Variants in CDK13 observed in about 807,000 individuals in gnomAD.
The protein encoded by CDK13 is cyclin dependent kinase 13.
Under a neutral mutation model 137.6 loss-of-function variants are expected in CDK13, and 40 were observed. The observed-to-expected ratio is 0.29, with a 90% confidence interval of 0.23 to 0.38. The LOEUF is 0.38. CDK13 is among the 10% of genes least tolerant of loss of function. CDK13 has a pLI of 1.00. For synonymous variants in CDK13, 869 were observed against 760.1 expected, an observed-to-expected ratio of 1.14 and a Z score of -2.36; for missense variants, 1,704 against 1,951.8, an observed-to-expected ratio of 0.87 and a Z score of 2.39.
chr7:40,021,293 TTGAGACCAGCCTGACCAACATGG>T (rs1785120275), intron 5 of CDK13, among the ~76,000 whole-genome samples: 1 of 152,028 alleles, frequency 6.6e-6, no homozygotes, highest in Non-Finnish European at 1.5e-5. Flanking sequence ...GGTCAGGAGT[TTGAGACCAGCCTGACCAACATGG>T]TGAAACCCCA....
rs1787170470 is a variant in CDK13 at position 39,951,194 on chromosome 7, T to C, written c.553T>C (p.Ser185Pro). The change falls in exon 1 of 14, where the codon TCC becomes CCC. Residue 185 changes from serine to proline, a missense_variant. By Grantham distance (74) the Ser-to-Pro change is moderately conservative. Transcript: ENST00000181839. The part of the protein sequence containing the change: ...GGSGGSPASS[S>P]GTQRRGEGSE... ...CAGCGGCGGGAGTCCGGCCTCCTCC[T>C]CCGGCACCCAGCGGCGCGGGGAGGG... 8.0e-7 allele frequency: 1 copy of C among 1,250,506 alleles called. No homozygotes were observed. Among genetic ancestry groups the C allele is most frequent in the Non-Finnish European group, 1.0e-6 (1 of 999,968 alleles). The allele number at this position is 1,250,506 out of a possible 1,614,324, so 77.5% of individuals were successfully genotyped here. A position where few individuals can be genotyped will look rare whatever the true frequency, so the allele number is the denominator to read the frequency against.
Position 40,094,254 on chromosome 7 carries a change from T to C in CDK13, c.3813T>C (p.Thr1271=), listed in dbSNP as rs775368819. 11 of 1,612,664 alleles carry C rather than the reference T, an allele frequency of 6.8e-6. No homozygotes were observed. The Admixed American group carries it at 1.5e-4, about 22-fold the overall frequency. The part of the protein sequence containing the change: ...PPEPPEPPPV[T]EEDLDYRTEN... ...AGCCTCCTGAACCACCACCAGTCACTGAGGAAGATCTAGATTATCGGACAG... is the reference window on the plus strand; with the variant it reads ...AGCCTCCTGAACCACCACCAGTCACCGAGGAAGATCTAGATTATCGGACAG... The change falls in exon 14 of 14, where the codon ACT becomes ACC. Residue 1271 remains threonine (T), a synonymous_variant. Coordinates refer to ENST00000181839, the MANE Select transcript of CDK13 (RefSeq NM_003718.5).
intron 6 of CDK13, 137 bp from the exon 7 acceptor site, chr7:40,047,684 T>C: frequency 1.7e-6 from 1 of 572,616 alleles, no homozygotes; most frequent in Non-Finnish European, 3.1e-6. Flanking sequence ...ATTACCTTGA[T>C]GATATTGCAG....
chr7:40,036,173 T>TACACACAC (rs70996875), intron 5 of CDK13, among the ~76,000 whole-genome samples: 44,537 of 148,884 alleles, frequency 0.3, 7,609 homozygotes, highest in Middle Eastern at 0.47. Context: ...ATAAATAAAT[T>TACACACAC]ACACACACAC....
intron 1 of CDK13, among the ~76,000 whole-genome samples, chr7:39,980,596 T>C (rs534216809): frequency 1.1e-4 from 17 of 152,240 alleles, no homozygotes; most frequent in African/African-American, 3.9e-4. Context: ...AGTGGAAACA[T>C]TGGCCTCAAA....
Position 39,950,964 on chromosome 7 carries a change from G to T in CDK13, c.323G>T (p.Gly108Val). The T allele has an allele frequency of 7.6e-7, 1 of 1,314,996 alleles. No homozygotes were observed. Among genetic ancestry groups the T allele is most frequent in the East Asian group, 3.1e-5 (1 of 32,080 alleles). 81.5% of individuals were successfully genotyped at this position (1,314,996 alleles called of 1,614,324 possible). A position where few individuals can be genotyped will look rare whatever the true frequency, so the allele number is the denominator to read the frequency against. The change falls in exon 1 of 14, where the codon GGG becomes GTG. Residue 108 changes from glycine to valine, a missense_variant. Around this residue, in one of 5 missense-constraint regions of CDK13, gnomAD observed 1,051 missense variants for 931.0 expected, o/e 1.13. Transcript: ENST00000181839. ...RAGGRQKRRR[G>V]PRAGQEAEKR... is the part of the protein sequence containing the mutation. ...GGAGGGCGGCAGAAGCGGCGTCGCG[G>T]GCCCCGCGCCGGGCAGGAGGCGGAG...
intron 5 of CDK13, among the ~76,000 whole-genome samples, chr7:40,014,949 A>G (rs1225203772): frequency 6.6e-6 from 1 of 152,194 alleles, no homozygotes; most frequent in East Asian, 1.9e-4. Flanking sequence ...GTTAGTGATC[A>G]ATAAATTTTT....
intron 5 of CDK13, among the ~76,000 whole-genome samples, chr7:40,029,382 G>A (rs912923022): frequency 4.0e-5 from 6 of 151,166 alleles, no homozygotes; most frequent in African/African-American, 1.5e-4. Flanking sequence ...AGCCGAGATC[G>A]TGCCACTGCA....
At chr7:40,062,671 T>G in intron 7 of CDK13, 155 bp from the exon 8 acceptor site, 1 of 663,910 alleles carries the variant, frequency 1.5e-6, no homozygotes, top group South Asian at 1.8e-5. Context: ...TGATCTTATA[T>G]TAGATACCTT....
intron 7 of CDK13, among the ~76,000 whole-genome samples, chr7:40,054,319 T>G (rs1785962170): frequency 6.6e-6 from 1 of 152,238 alleles, no homozygotes; most frequent in South Asian, 2.1e-4. Flanking sequence ...TTTAAGCAGT[T>G]TGAAAGCTCT....
At chr7:40,079,620 G>T (rs1250354076) in intron 11 of CDK13, among the ~76,000 whole-genome samples, 1 of 152,174 alleles carries the variant, frequency 6.6e-6, no homozygotes, top group East Asian at 1.9e-4. Flanking sequence ...AGCAGGCTCA[G>T]AGAGGTTAAG....
chr7:40,008,269 T>C (rs1784832572), intron 5 of CDK13, among the ~76,000 whole-genome samples: 1 of 152,256 alleles, frequency 6.6e-6, no homozygotes, highest in Non-Finnish European at 1.5e-5. Context: ...GTTCTTTAAC[T>C]GCACTATTCA....
At position 39,951,801 on chromosome 7, in the gene CDK13, ACAG is replaced by A. The variant is rs756762783; in HGVS notation, c.1171_1173del (p.Ser391del). Reference sequence around the variant, plus strand: ...GGCGGCGACGTGTCCCCTAGTCCCTACAGCAGCAGCAGCTGGCGCCGCTCTCGC... The same window carrying A: ...GGCGGCGACGTGTCCCCTAGTCCCTACAGCAGCAGCTGGCGCCGCTCTCGC... On this transcript the variant is annotated inframe_deletion, in exon 1 of 14. Transcript: ENST00000181839. The A allele has an allele frequency of 1.5e-5, 22 of 1,449,452 alleles. No homozygotes were observed. The highest frequency in any genetic ancestry group is 5.4e-5 in the Admixed American group (2 of 37,362). 89.8% of individuals were successfully genotyped at this position (1,449,452 alleles called of 1,614,324 possible). A position where few individuals can be genotyped will look rare whatever the true frequency, so the allele number is the denominator to read the frequency against.
At chr7:40,040,760 T>TTTATA (rs1233447232) in intron 5 of CDK13, among the ~76,000 whole-genome samples, 8 of 152,320 alleles carry the variant, frequency 5.3e-5, no homozygotes, top group Admixed American at 1.3e-4. Context: ...CATTTTATAT[T>TTTATA]TTAACTGGTG....
chr7:40,079,676 T>G (rs1191023050), intron 11 of CDK13, among the ~76,000 whole-genome samples: 1 of 152,222 alleles, frequency 6.6e-6, no homozygotes, highest in Non-Finnish European at 1.5e-5. Flanking sequence ...CAGCCAGCTC[T>G]CAAATTCACA....
intron 11 of CDK13, among the ~76,000 whole-genome samples, chr7:40,080,179 G>C (rs1040577099): frequency 6.6e-6 from 1 of 152,036 alleles, no homozygotes; most frequent in Non-Finnish European, 1.5e-5. Context: ...GTAGAGATGG[G>C]ATTTCACCAT....
chr7:40,058,566 C>T (rs377099148), intron 7 of CDK13, among the ~76,000 whole-genome samples: 85 of 13,418 alleles, frequency 6.3e-3, no homozygotes, highest in African/African-American at 0.026. Context: ...AAAACAAAAA[C>T]GGGCAGGGCG....
intron 5 of CDK13, among the ~76,000 whole-genome samples, chr7:40,037,511 G>A (rs780569938): frequency 1.7e-4 from 26 of 152,170 alleles, no homozygotes; most frequent in African/African-American, 2.4e-4. Flanking sequence ...TAAGGTAGAC[G>A]CTGCATTGTC....
At chr7:40,040,592 G>T (rs1374478126) in intron 5 of CDK13, among the ~76,000 whole-genome samples, 1 of 152,166 alleles carries the variant, frequency 6.6e-6, no homozygotes, top group Non-Finnish European at 1.5e-5. Context: ...CTAACATAGG[G>T]ATAATTAACA....
Sources: allele counts gnomAD v4.1 joint callset (sites outside exome capture counted in the v4.1 genomes callset), GRCh38; gene constraint gnomAD v4.1.1; regional missense constraint gnomAD v4.1.1; transcripts MANE v1.5; gene names NCBI Gene and HGNC (gene_info 2026-07-23, HGNC 2026-07-21).